The following FNIP2 variants were observed in gnomAD, a reference collection of about 807,000 sequenced individuals.
The protein encoded by FNIP2 is folliculin-interacting protein 2.
FNIP2 carries 32 observed loss-of-function variants against 108.7 expected under a neutral mutation model. The ratio of observed to expected loss-of-function variants is 0.29; its 90% confidence interval spans 0.22 to 0.40. The LOEUF is 0.40. FNIP2 is among the 10% of genes least tolerant of loss of function. The pLI, the probability that FNIP2 is intolerant of heterozygous loss-of-function variation, is 1.00. For missense variants in FNIP2, 1,202 were observed against 1,381.6 expected (o/e 0.87, Z 2.06); for synonymous variants, 480 against 496.7 (o/e 0.97, Z 0.45).
chr4:158,872,748 TTTTA>T (rs1179184403), intron 14 of FNIP2: 4 of 976,834 alleles, frequency 4.1e-6, no homozygotes, highest in Admixed American at 6.2e-5. Context: ...TTTTTTTTTT[TTTTA>T]AAAAACAGGC....
At chr4:158,902,962 C>A (rs1185700958) in intron 16 of FNIP2, among the ~76,000 whole-genome samples, 1 of 152,222 alleles carries the variant, frequency 6.6e-6, no homozygotes, top group Non-Finnish European at 1.5e-5. Flanking sequence ...ACTCGGCTCC[C>A]TGGCTTCAGC....
At chr4:158,802,402 T>G (rs2126479426) in intron 1 of FNIP2, among the ~76,000 whole-genome samples, 1 of 152,252 alleles carries the variant, frequency 6.6e-6, no homozygotes, top group Non-Finnish European at 1.5e-5. Flanking sequence ...CTTTCAAGAT[T>G]GGACATACTG....
At chr4:158,869,450 G>T (rs767665973) in intron 13 of FNIP2, 22 bp downstream of exon 13, 6 of 1,560,828 alleles carry the variant, frequency 3.8e-6, no homozygotes, top group Non-Finnish European at 5.2e-6. Context: ...AGGCTGGGAA[G>T]TAGAGGGAAC....
In FNIP2 at chr4:158,895,879, A is replaced by C. The variant is rs1427240091; in HGVS notation, c.3266+14A>C. 2 of 1,571,932 alleles carry C rather than the reference A, an allele frequency of 1.3e-6. No individual in the cohort carries two copies. Among genetic ancestry groups the C allele is most frequent in the Non-Finnish European group, 1.7e-6 (2 of 1,144,236 alleles). ...TGTCGTACTGGGGTGAGTTCTGTGA[A>C]GTGCCGTCACTTGTCCCTTTGATAG... is the stretch of plus-strand genomic sequence containing the variant. On this transcript the variant is annotated intron_variant, in intron 16 of 16. Coordinates refer to ENST00000264433, the MANE Select transcript of FNIP2 (RefSeq NM_020840.3).
rs1000343739 is a variant in FNIP2, at chr4:158,904,800, T to G, written c.*256T>G. 8 of 438,602 alleles carry G rather than the reference T, an allele frequency of 1.8e-5. No individual in the cohort carries two copies. Among genetic ancestry groups the G allele is most frequent in the Admixed American group, 3.5e-5 (1 of 28,558 alleles). The allele number at this position is 438,602 out of a possible 1,614,324, so 27.2% of individuals were successfully genotyped here. A position where few individuals can be genotyped will look rare whatever the true frequency, so the allele number is the denominator to read the frequency against. On this transcript the variant is annotated 3_prime_UTR_variant, in exon 17 of 17. Coordinates refer to ENST00000264433, the MANE Select transcript of FNIP2 (RefSeq NM_020840.3). Reference sequence around the variant, plus strand: ...CCATGAATCAACAAAGAAACTGACCTTTTTGGTAGGAGGAAACATAAGCAC... The same window carrying G: ...CCATGAATCAACAAAGAAACTGACCGTTTTGGTAGGAGGAAACATAAGCAC...
At chr4:158,858,446 G>A (rs932878968) in intron 8 of FNIP2, among the ~76,000 whole-genome samples, 1 of 152,154 alleles carries the variant, frequency 6.6e-6, no homozygotes, top group Non-Finnish European at 1.5e-5. Context: ...GGGCTTCGTG[G>A]CTGTCATCAT....
At chr4:158,803,032 G>C (rs143932316) in intron 1 of FNIP2, among the ~76,000 whole-genome samples, 256 of 152,250 alleles carry the variant, frequency 1.7e-3, no homozygotes, top group African/African-American at 5.8e-3. Context: ...TACTTCTGTG[G>C]TCCTCCCTTC....
chr4:158,882,268 G>A (rs1393092161), intron 14 of FNIP2, among the ~76,000 whole-genome samples: 5 of 151,898 alleles, frequency 3.3e-5, no homozygotes, highest in Admixed American at 2.6e-4. Context: ...CCTCCGCCTG[G>A]CAGCCACCCC....
chr4:158,876,009 A>C (rs969687837), intron 14 of FNIP2, among the ~76,000 whole-genome samples: 1 of 152,244 alleles, frequency 6.6e-6, no homozygotes, highest in Non-Finnish European at 1.5e-5. Flanking sequence ...ACATGTGCAC[A>C]CATGTCACAC....
chr4:158,830,977 G>T (rs1238854147), intron 3 of FNIP2, among the ~76,000 whole-genome samples: 1 of 152,170 alleles, frequency 6.6e-6, no homozygotes, highest in East Asian at 1.9e-4. Context: ...GATGTAGGAG[G>T]TATTCTATGT....
Position 158,799,639 on chromosome 4 carries a change from T to A in FNIP2, c.108-26277T>A, listed in dbSNP as rs542853922. Among the ~76,000 whole-genome samples, 10 of 152,326 alleles carry A rather than the reference T, an allele frequency of 6.6e-5. No individual in the cohort carries two copies. The South Asian group carries it at 2.1e-3, about 32-fold the overall frequency. On this transcript the variant is annotated intron_variant, in intron 1 of 16. Transcript: ENST00000264433. ...AAGCAGCTCTAGACTACTGATACCT[T>A]CCTTTCCTAGGTCCAAATGCTAGGG... is the stretch of plus-strand genomic sequence containing the variant.
chr4:158,772,196 T>G (rs1256749614), intron 1 of FNIP2, among the ~76,000 whole-genome samples: 1 of 152,184 alleles, frequency 6.6e-6, no homozygotes, highest in East Asian at 1.9e-4. Context: ...GATTATGGCA[T>G]TTACATTTGA....
chr4:158,852,849 C>T (rs891352968), intron 8 of FNIP2, among the ~76,000 whole-genome samples: 1 of 152,080 alleles, frequency 6.6e-6, no homozygotes, highest in Admixed American at 6.5e-5. Flanking sequence ...TTTATCCCTT[C>T]AGGTTTAAAT....
intron 16 of FNIP2, among the ~76,000 whole-genome samples, chr4:158,903,309 A>T (rs960940594): frequency 3.9e-5 from 6 of 152,120 alleles, no homozygotes; most frequent in African/African-American, 1.4e-4. Context: ...GGCTGCACCC[A>T]GTGTCCAGCC....
chr4:158,882,113 C>T (rs1345411560), intron 14 of FNIP2, among the ~76,000 whole-genome samples: 4 of 151,474 alleles, frequency 2.6e-5, no homozygotes, highest in South Asian at 4.2e-4. Flanking sequence ...TCTGCCTGGC[C>T]GCCCCGTCTG....
intron 8 of FNIP2, among the ~76,000 whole-genome samples, chr4:158,855,366 A>T (rs1229619878): frequency 6.6e-6 from 1 of 152,204 alleles, no homozygotes. Flanking sequence ...TCGCATGCCC[A>T]TGCAGCCAGC....
chr4:158,866,730 C>T (rs1780604473), intron 12 of FNIP2, among the ~76,000 whole-genome samples: 1 of 151,944 alleles, frequency 6.6e-6, no homozygotes. Context: ...TGTCTGCCAC[C>T]ACACCTGGCT....
At chr4:158,808,788 A>T (rs1777110766) in intron 1 of FNIP2, 1 of 152,170 alleles carries the variant, frequency 6.6e-6, no homozygotes, top group African/African-American at 2.4e-5. Flanking sequence ...TTAGTTGAGC[A>T]CACTGACAAG....
chr4:158,781,596 C>T (rs2126423378), intron 1 of FNIP2, among the ~76,000 whole-genome samples: 1 of 152,228 alleles, frequency 6.6e-6, no homozygotes, highest in African/African-American at 2.4e-5. Flanking sequence ...CTCACAGCAA[C>T]CCCCGCCTCC....
Sources: gnomAD v4.1 joint callset for allele counts (sites outside exome capture counted in the v4.1 genomes callset) on GRCh38, gnomAD v4.1.1 for gene constraint, MANE v1.5 for transcripts, NCBI Gene and HGNC (gene_info 2026-07-23, HGNC 2026-07-21) for gene names.